Variants in XKR4 observed in about 807,000 individuals in gnomAD.
XKR4 encodes XK-related protein 4.
Under a neutral mutation model 53.9 loss-of-function variants are expected in XKR4, and 12 were observed. The observed-to-expected ratio is 0.22, with a 90% CI of 0.14 to 0.36. The LOEUF is 0.36. Ranked by LOEUF, XKR4 falls within the 10% of genes least tolerant of loss-of-function variation. The pLI, the probability that XKR4 is intolerant of heterozygous loss-of-function variation, is 1.00. For synonymous variants in XKR4, 354 were observed against 362.4 expected (o/e 0.98, Z 0.26); for missense variants, 799 against 859.5 (o/e 0.93, Z 0.88).
chr8:55,406,057 T>G (rs1269825320), intron 2 of XKR4, among the ~76,000 whole-genome samples: 1 of 152,222 alleles, frequency 6.6e-6, no homozygotes, highest in Non-Finnish European at 1.5e-5. Flanking sequence ...TGATCAATGA[T>G]GAGATGTCTC....
intron 1 of XKR4, chr8:55,135,132 C>A (rs941805006): frequency 4.6e-5 from 7 of 152,864 alleles, no homozygotes; most frequent in African/African-American, 1.4e-4. Flanking sequence ...TTTGTACCAA[C>A]CTAATATACA....
intron 2 of XKR4, among the ~76,000 whole-genome samples, chr8:55,396,622 T>C (rs1196760215): frequency 6.6e-6 from 1 of 152,142 alleles, no homozygotes; most frequent in Non-Finnish European, 1.5e-5. Context: ...ATCCTCTGTT[T>C]CATTTCTCAC....
At chr8:55,135,397 G>T (rs953831411) in intron 1 of XKR4, 4 of 309,988 alleles carry the variant, frequency 1.3e-5, no homozygotes, top group African/African-American at 8.6e-5. Context: ...ATACATAGTA[G>T]ATATGCAATA....
chr8:55,460,615 G>A (rs1336589993), intron 2 of XKR4, among the ~76,000 whole-genome samples: 3 of 152,164 alleles, frequency 2.0e-5, no homozygotes, highest in Non-Finnish European at 4.4e-5. Context: ...TCTCACTAGG[G>A]AGTGCCAGAC....
intron 2 of XKR4, among the ~76,000 whole-genome samples, chr8:55,483,671 C>T (rs1419656494): frequency 1.3e-5 from 2 of 151,328 alleles, no homozygotes; most frequent in African/African-American, 2.4e-5. Context: ...AACAAAAATA[C>T]AACATATAAA....
chr8:55,157,472 A>G (rs1201861908), intron 1 of XKR4, among the ~76,000 whole-genome samples: 1 of 152,104 alleles, frequency 6.6e-6, no homozygotes, highest in East Asian at 1.9e-4. Flanking sequence ...AAAGCTTATA[A>G]TACCTCTAAA....
intron 1 of XKR4, among the ~76,000 whole-genome samples, chr8:55,242,989 A>G (rs1818231488): frequency 6.6e-6 from 1 of 152,232 alleles, no homozygotes; most frequent in Admixed American, 6.5e-5. Context: ...AACTTATAAG[A>G]CAATAGGCCT....
intron 2 of XKR4, among the ~76,000 whole-genome samples, chr8:55,445,426 T>A (rs1319968829): frequency 1.3e-5 from 2 of 152,212 alleles, no homozygotes; most frequent in Non-Finnish European, 2.9e-5. Flanking sequence ...TATACTTTGA[T>A]TATTTTATAT....
chr8:55,278,337 A>T (rs1340056599), intron 1 of XKR4, among the ~76,000 whole-genome samples: 2 of 16,784 alleles, frequency 1.2e-4, no homozygotes, highest in Non-Finnish European at 1.2e-3. Context: ...ATCCTGTCTA[A>T]AAAAAAAAAA....
At chr8:55,167,681 A>G (rs1450200556) in intron 1 of XKR4, among the ~76,000 whole-genome samples, 2 of 152,362 alleles carry the variant, frequency 1.3e-5, no homozygotes, top group Non-Finnish European at 2.9e-5. Context: ...TAACTAGTAC[A>G]GTGTCCAGAT....
chr8:55,203,847 C>T (rs1435143513), intron 1 of XKR4, among the ~76,000 whole-genome samples: 3 of 152,134 alleles, frequency 2.0e-5, no homozygotes, highest in Admixed American at 6.5e-5. Context: ...CAAGCACTCA[C>T]GTAACTTTTG....
At chr8:55,229,868 CTTTT>C (rs5891563) in intron 1 of XKR4, among the ~76,000 whole-genome samples, 46 of 140,316 alleles carry the variant, frequency 3.3e-4, no homozygotes, top group East Asian at 6.2e-4. Context: ...AGTTAATTAG[CTTTT>C]TTTTTTTTTT....
intron 2 of XKR4, among the ~76,000 whole-genome samples, chr8:55,424,739 G>A (rs1363252612): frequency 6.6e-6 from 1 of 152,212 alleles, no homozygotes; most frequent in South Asian, 2.1e-4. Context: ...CCTGGCACGT[G>A]TTAGGAATGA....
At chr8:55,147,821 C>T (rs1816790819) in intron 1 of XKR4, among the ~76,000 whole-genome samples, 1 of 152,134 alleles carries the variant, frequency 6.6e-6, no homozygotes, top group Non-Finnish European at 1.5e-5. Context: ...ACAAATATGA[C>T]ATTGTGCCAA....
At chr8:55,233,675 G>A (rs1287209949) in intron 1 of XKR4, among the ~76,000 whole-genome samples, 1 of 152,252 alleles carries the variant, frequency 6.6e-6, no homozygotes, top group Non-Finnish European at 1.5e-5. Context: ...GTATGCAAAT[G>A]CCTGAACTGT....
At chr8:55,499,271 T>G (rs1233124280) in intron 2 of XKR4, among the ~76,000 whole-genome samples, 3 of 152,210 alleles carry the variant, frequency 2.0e-5, no homozygotes, top group Non-Finnish European at 2.9e-5. Flanking sequence ...GACATTATCA[T>G]TATTTTAAAT....
chr8:55,487,185 G>A (rs1342277415), intron 2 of XKR4, among the ~76,000 whole-genome samples: 2 of 152,184 alleles, frequency 1.3e-5, no homozygotes, highest in South Asian at 4.1e-4. Context: ...CTCTGGACCT[G>A]GGGGACAGGT....
intron 2 of XKR4, among the ~76,000 whole-genome samples, chr8:55,423,912 C>A (rs576343409): frequency 7.9e-5 from 12 of 152,338 alleles, no homozygotes; most frequent in African/African-American, 2.6e-4. Context: ...GGAATAGATT[C>A]TCCATGAATC....
At chr8:55,164,997 A>G (rs1310872700) in intron 1 of XKR4, among the ~76,000 whole-genome samples, 1 of 152,186 alleles carries the variant, frequency 6.6e-6, no homozygotes, top group African/African-American at 2.4e-5. Flanking sequence ...ATTTCTTATC[A>G]AAAGGCGAAA....
Sources: gnomAD v4.1 joint callset for allele counts (sites outside exome capture counted in the v4.1 genomes callset) on GRCh38, gnomAD v4.1.1 for gene constraint, MANE v1.5 for transcripts, NCBI Gene and HGNC (gene_info 2026-07-23, HGNC 2026-07-21) for gene names.